Variants in DPYD observed in about 807,000 individuals in gnomAD.
The protein encoded by DPYD is dihydropyrimidine dehydrogenase [NADP(+)].
In DPYD, 109 loss-of-function variants were observed where a neutral mutation model predicts 116.2. The observed-to-expected ratio is 0.94, with a 90% CI of 0.80 to 1.10. The LOEUF (loss-of-function observed/expected upper bound fraction) is 1.10, where lower values mean the gene tolerates loss of function less well. DPYD is among the 50% of genes least tolerant of loss of function. The probability of loss-of-function intolerance (pLI) is 0.00; values close to 1 mark genes in which losing one functional copy is unlikely to be tolerated. For synonymous variants in DPYD, 440 were observed against 432.0 expected (o/e 1.02, Z -0.23); for missense variants, 1,302 against 1,254.5 (o/e 1.04, Z -0.57).
At chr1:97,225,003 GTCTATCTATCTATCTATCTA>G (rs3050227) in intron 19 of DPYD, among the ~76,000 whole-genome samples, 223 of 127,158 alleles carry the variant, frequency 1.8e-3, no homozygotes, top group African/African-American at 5.2e-3. Flanking sequence ...CTGTCTGTCT[GTCTATCTATCTATCTATCTA>G]TCTATCTATC....
At chr1:97,173,323 TACACA>T (rs1557911906) in intron 20 of DPYD, among the ~76,000 whole-genome samples, 5 of 136,380 alleles carry the variant, frequency 3.7e-5, no homozygotes, top group African/African-American at 1.7e-4. Flanking sequence ...CACACATATA[TACACA>T]TATATGTGTA....
intron 11 of DPYD, among the ~76,000 whole-genome samples, chr1:97,563,363 C>T (rs967132605): frequency 2.6e-5 from 4 of 152,196 alleles, no homozygotes; most frequent in African/African-American, 7.2e-5. Flanking sequence ...TTACACTCAC[C>T]GTATCTATTA....
chr1:97,897,767 A>G (rs1673154012), intron 1 of DPYD, among the ~76,000 whole-genome samples: 1 of 151,874 alleles, frequency 6.6e-6, no homozygotes, highest in Admixed American at 6.6e-5. Flanking sequence ...TACAGTTATA[A>G]TGACAGTTTT....
At chr1:97,341,904 C>A (rs1669604913) in intron 16 of DPYD, among the ~76,000 whole-genome samples, 1 of 152,132 alleles carries the variant, frequency 6.6e-6, no homozygotes, top group Non-Finnish European at 1.5e-5. Context: ...ATTCATAACA[C>A]AGAAACCAGC....
chr1:97,433,509 G>C (rs1411857135), intron 14 of DPYD, among the ~76,000 whole-genome samples: 1 of 152,062 alleles, frequency 6.6e-6, no homozygotes, highest in Non-Finnish European at 1.5e-5. Flanking sequence ...AAGTTTATTT[G>C]CATTTTCAGA....
intron 1 of DPYD, among the ~76,000 whole-genome samples, chr1:97,903,564 G>A (rs1330770116): frequency 6.6e-6 from 1 of 151,808 alleles, no homozygotes; most frequent in Non-Finnish European, 1.5e-5. Flanking sequence ...TGGTTATTAA[G>A]TTAATTATAT....
intron 14 of DPYD, among the ~76,000 whole-genome samples, chr1:97,387,907 A>G (rs1359561844): frequency 1.3e-5 from 2 of 152,136 alleles, no homozygotes; most frequent in Non-Finnish European, 2.9e-5. Context: ...TTGTTGGTGT[A>G]ATGGGAGGCC....
intron 14 of DPYD, among the ~76,000 whole-genome samples, chr1:97,442,436 G>A (rs981392131): frequency 6.6e-6 from 1 of 151,026 alleles, no homozygotes; most frequent in Non-Finnish European, 1.5e-5. Flanking sequence ...ACATGGAGCC[G>A]TAAACTAATC....
chr1:97,590,406 T>G (rs1265887125), intron 10 of DPYD, among the ~76,000 whole-genome samples: 1 of 152,166 alleles, frequency 6.6e-6, no homozygotes, highest in African/African-American at 2.4e-5. Flanking sequence ...CAGTAAATAT[T>G]CATTCCACAA....
intron 3 of DPYD, among the ~76,000 whole-genome samples, chr1:97,826,992 A>G (rs566804805): frequency 6.6e-6 from 1 of 152,192 alleles, no homozygotes; most frequent in African/African-American, 2.4e-5. Flanking sequence ...TTTCCATTAA[A>G]TTTAATTACC....
intron 11 of DPYD, among the ~76,000 whole-genome samples, chr1:97,566,730 AAGCTGAAGG>A (rs1652544879): frequency 6.6e-6 from 1 of 152,134 alleles, no homozygotes; most frequent in African/African-American, 2.4e-5. Context: ...GAAATTACGT[AAGCTGAAGG>A]TCATAAAGAG....
chr1:97,822,646 C>T (rs977686052), intron 3 of DPYD, among the ~76,000 whole-genome samples: 1 of 151,922 alleles, frequency 6.6e-6, no homozygotes, highest in Non-Finnish European at 1.5e-5. Flanking sequence ...TGACACAATC[C>T]TTTCCTTAAA....
At chr1:97,155,817 G>A (rs1046733190) in intron 20 of DPYD, among the ~76,000 whole-genome samples, 18 of 151,974 alleles carry the variant, frequency 1.2e-4, no homozygotes, top group African/African-American at 4.3e-4. Context: ...ACTTTCCAAC[G>A]GTCTCACTAA....
chr1:97,578,673 C>A (rs1390452179), intron 10 of DPYD, among the ~76,000 whole-genome samples: 5 of 152,228 alleles, frequency 3.3e-5, no homozygotes, highest in African/African-American at 9.6e-5. Flanking sequence ...AGTTGCTGAA[C>A]CTCAAACAAA....
At chr1:97,541,122 G>A (rs1017196703) in intron 12 of DPYD, among the ~76,000 whole-genome samples, 11 of 152,238 alleles carry the variant, frequency 7.2e-5, no homozygotes, top group Non-Finnish European at 1.6e-4. Context: ...GCCAAGTAAT[G>A]CTGATGCTTT....
intron 20 of DPYD, among the ~76,000 whole-genome samples, chr1:97,105,134 G>A (rs1304586418): frequency 6.6e-6 from 1 of 152,052 alleles, no homozygotes; most frequent in Non-Finnish European, 1.5e-5. Context: ...ATTTTTTAAA[G>A]TAAGTATTTT....
At chr1:97,873,337 A>G (rs1271069335) in intron 2 of DPYD, among the ~76,000 whole-genome samples, 3 of 151,998 alleles carry the variant, frequency 2.0e-5, no homozygotes, top group South Asian at 2.1e-4. Flanking sequence ...GTGTGATGCA[A>G]TAAATTAATT....
intron 2 of DPYD, among the ~76,000 whole-genome samples, chr1:97,865,946 G>C (rs1671355127): frequency 1.3e-5 from 2 of 151,856 alleles, no homozygotes. Context: ...ATACACATAG[G>C]TGAAACAAAG....
chr1:97,121,406 T>A (rs948678264), intron 20 of DPYD, among the ~76,000 whole-genome samples: 4 of 152,162 alleles, frequency 2.6e-5, no homozygotes, highest in Admixed American at 2.0e-4. Flanking sequence ...CACTTTATAA[T>A]TTACTTATTT....
Sources: gnomAD v4.1 joint callset for allele counts (sites outside exome capture counted in the v4.1 genomes callset) on GRCh38, gnomAD v4.1.1 for gene constraint, MANE v1.5 for transcripts, NCBI Gene and HGNC (gene_info 2026-07-23, HGNC 2026-07-21) for gene names.